WNK1: variants seen among roughly 807,000 people sequenced by gnomAD.
WNK1 encodes the protein serine/threonine-protein kinase WNK1.
In WNK1, 38 loss-of-function variants were observed where a neutral mutation model predicts 222.8. The observed-to-expected ratio is 0.17, with a 90% CI of 0.13 to 0.22. The LOEUF (loss-of-function observed/expected upper bound fraction) is 0.22, where lower values mean the gene tolerates loss of function less well. Among genes scored for constraint, WNK1 ranks in the 10% least tolerant of loss-of-function variants. The pLI is 1.00. For synonymous variants in WNK1, 1,090 were observed against 1,092.9 expected (o/e 1.00, Z 0.05); for missense variants, 2,348 against 2,918.4 (o/e 0.80, Z 4.50).
chr12:795,889 T>C (rs575038363), intron 1 of WNK1, among the ~76,000 whole-genome samples: 2 of 152,180 alleles, frequency 1.3e-5, no homozygotes, highest in South Asian at 2.1e-4. Context: ...TATCTTCTTT[T>C]CTCCTTCTTC....
Position 879,457 on chromosome 12 carries a change from TG to T in WNK1, c.2374-115del, listed in dbSNP as rs10717494. The stretch of plus-strand genomic sequence containing the variant: ...TTTGTTGGTTTGGTGTTTTTTTTTT[TG>T]TTTGTTTTTTCCTTCTTTTTGGCTA... On this transcript the variant is annotated intron_variant, in intron 10 of 27. Transcript: ENST00000315939. 0.41 allele frequency: 239,651 copies of T among 580,904 alleles called. 35,973 individuals are homozygous for T. Among genetic ancestry groups the T allele is most frequent in the East Asian group, 0.49 (13,227 of 27,240 alleles). The allele number at this position is 580,904 out of a possible 1,614,324, so 36.0% of individuals were successfully genotyped here. A position where few individuals can be genotyped will look rare whatever the true frequency, so the allele number is the denominator to read the frequency against.
chr12:851,621 G>A, intron 4 of WNK1: 2 of 1,271,960 alleles, frequency 1.6e-6, no homozygotes, highest in Non-Finnish European at 2.0e-6. Context: ...TCCTTATGCT[G>A]TGGGCTGATG....
rs955533673 is a variant in WNK1 at position 911,309 on chromosome 12, G to T, written c.*2517G>T. 2.5e-6 allele frequency: 1 copy of T among 398,430 alleles called. No homozygotes were observed. The highest frequency in any genetic ancestry group is 1.3e-4 in the South Asian group (1 of 7,858). The allele number at this position is 398,430 out of a possible 1,614,324, so 24.7% of individuals were successfully genotyped here. On this transcript the variant is annotated 3_prime_UTR_variant, in exon 28 of 28. Coordinates refer to ENST00000315939, the MANE Select transcript of WNK1 (RefSeq NM_018979.4). ...AAAAATAAAAATTCAAACTTTGGGGGTTTCTCAGCAGCCGTTAATTGTACA... is the reference window on the plus strand; with the variant it reads ...AAAAATAAAAATTCAAACTTTGGGGTTTTCTCAGCAGCCGTTAATTGTACA...
intron 1 of WNK1, among the ~76,000 whole-genome samples, chr12:773,021 G>C (rs766001347): frequency 3.3e-5 from 5 of 152,154 alleles, no homozygotes; most frequent in Non-Finnish European, 7.4e-5. Context: ...CACTTTGGGA[G>C]GCCAAGGCGG....
At chr12:791,517 A>C (rs1183498096) in intron 1 of WNK1, among the ~76,000 whole-genome samples, 1 of 151,926 alleles carries the variant, frequency 6.6e-6, no homozygotes, top group East Asian at 1.9e-4. Context: ...TCTAGGTTTC[A>C]GCTTATACTT....
At chr12:881,868 T>C (rs746318420) in intron 13 of WNK1, 43 bp from the exon 14 acceptor site, 1 of 1,613,922 alleles carries the variant, frequency 6.2e-7, no homozygotes, top group Non-Finnish European at 8.5e-7. Flanking sequence ...CCTTTAAATC[T>C]CATATTATAA....
At position 757,803 on chromosome 12, in the gene WNK1, C is replaced by T. The variant is rs557927932; in HGVS notation, c.759+3479C>T. Among the ~76,000 whole-genome samples the T allele has an allele frequency of 1.6e-4, 24 of 146,528 alleles. 5 individuals are homozygous for T. The South Asian group carries it at 3.3e-3, about 20-fold the overall frequency. On this transcript the variant is annotated intron_variant, in intron 1 of 27. Coordinates refer to ENST00000315939, the MANE Select transcript of WNK1 (RefSeq NM_018979.4). Reference sequence around the variant, plus strand: ...CTGTAATCCCAGCACTTTGGGAGGCCGAGGCGGGTGGATCACGCGGTCAGG... The same window carrying T: ...CTGTAATCCCAGCACTTTGGGAGGCTGAGGCGGGTGGATCACGCGGTCAGG...
intron 4 of WNK1, among the ~76,000 whole-genome samples, chr12:834,914 A>G (rs533830147): frequency 1.3e-5 from 2 of 152,214 alleles, no homozygotes; most frequent in Non-Finnish European, 1.5e-5. Flanking sequence ...CCTTTTTAGT[A>G]TTGATAAACA....
At position 795,390 on chromosome 12, in the gene WNK1, T is replaced by A. The variant is rs561899447; in HGVS notation, c.760-18252T>A. Among the ~76,000 whole-genome samples the A allele has an allele frequency of 3.9e-5, 6 of 152,028 alleles. No homozygotes were observed. The East Asian group carries it at 1.2e-3, about 29-fold the overall frequency. On this transcript the variant is annotated intron_variant, in intron 1 of 27. Transcript: ENST00000315939. ...ACTTTGAAATGTAATAATCTTCATG[T>A]GTCAGTGGCGGGGCCAGCTGGAGGT... is the stretch of plus-strand genomic sequence containing the variant.
chr12:816,930 A>G (rs987159867), intron 2 of WNK1, among the ~76,000 whole-genome samples: 5 of 152,352 alleles, frequency 3.3e-5, no homozygotes, highest in Admixed American at 3.3e-4. Flanking sequence ...GTAAGTGTAT[A>G]TGAAGTGTAT....
At chr12:802,001 A>G (rs1177906597) in intron 1 of WNK1, among the ~76,000 whole-genome samples, 1 of 152,168 alleles carries the variant, frequency 6.6e-6, no homozygotes, top group Non-Finnish European at 1.5e-5. Context: ...GCAGTCATCA[A>G]CTTCCCCTCA....
At chr12:832,992 T>TG (rs1948912118) in intron 4 of WNK1, among the ~76,000 whole-genome samples, 1 of 152,018 alleles carries the variant, frequency 6.6e-6, no homozygotes, top group Non-Finnish European at 1.5e-5. Flanking sequence ...CTTCCCCTGA[T>TG]GCGTTGTAAT....
intron 1 of WNK1, among the ~76,000 whole-genome samples, chr12:759,687 G>C (rs76153366): frequency 0.031 from 4,570 of 147,672 alleles, 625 homozygotes; most frequent in Non-Finnish European, 0.044. Flanking sequence ...CATGACCTCA[G>C]TTTATGTTTG....
At chr12:782,690 G>A (rs1183252338) in intron 1 of WNK1, among the ~76,000 whole-genome samples, 2 of 151,986 alleles carry the variant, frequency 1.3e-5, no homozygotes, top group African/African-American at 4.8e-5. Flanking sequence ...TTTTTATAGA[G>A]ACGGGGTTTT....
intron 1 of WNK1, among the ~76,000 whole-genome samples, chr12:759,491 C>A (rs143312117): frequency 9.5e-5 from 14 of 146,888 alleles, no homozygotes; most frequent in African/African-American, 2.9e-4. Context: ...CCACCACGCC[C>A]GGCTAATTTT....
At chr12:783,663 C>T (rs112387151) in intron 1 of WNK1, among the ~76,000 whole-genome samples, 3 of 38,436 alleles carry the variant, frequency 7.8e-5, no homozygotes, top group South Asian at 1.1e-3. Flanking sequence ...CCAGGCACAG[C>T]GGCATGTGCC....
chr12:866,983 C>T (rs866547038), intron 8 of WNK1, among the ~76,000 whole-genome samples: 1 of 151,876 alleles, frequency 6.6e-6, no homozygotes, highest in Non-Finnish European at 1.5e-5. Flanking sequence ...ATTAGCTGGG[C>T]GTGGTGGCGC....
intron 8 of WNK1, among the ~76,000 whole-genome samples, chr12:871,001 C>A (rs986030016): frequency 2.0e-5 from 3 of 152,206 alleles, no homozygotes; most frequent in African/African-American, 7.2e-5. Flanking sequence ...GCTAAAATTA[C>A]AGCCTGAGCA....
chr12:803,461 T>C (rs769396296), intron 1 of WNK1, among the ~76,000 whole-genome samples: 27 of 152,148 alleles, frequency 1.8e-4, no homozygotes, highest in Non-Finnish European at 3.1e-4. Context: ...AGAAGAATAG[T>C]GGTATTATTT....
Sources: allele counts gnomAD v4.1 joint callset (sites outside exome capture counted in the v4.1 genomes callset), GRCh38; gene constraint gnomAD v4.1.1; transcripts MANE v1.5; gene names NCBI Gene and HGNC (gene_info 2026-07-23, HGNC 2026-07-21).